Variants in KAZN observed in about 807,000 individuals in gnomAD.
KAZN encodes kazrin, periplakin interacting protein.
Under a neutral mutation model 87.4 loss-of-function variants are expected in KAZN, and 40 were observed. The observed-to-expected ratio is 0.46, with a 90% CI of 0.36 to 0.60. The LOEUF (loss-of-function observed/expected upper bound fraction) is 0.60. Among genes scored for constraint, KAZN ranks in the 20% least tolerant of loss-of-function variants. KAZN has a pLI of 0.00. For missense variants in KAZN, 898 were observed against 1,073.9 expected (o/e 0.84, Z 2.29); for synonymous variants, 466 against 458.3 (o/e 1.02, Z -0.22).
At chr1:14,047,877 G>GA (rs377534581) in intron 1 of KAZN, among the ~76,000 whole-genome samples, 31,873 of 126,996 alleles carry the variant, frequency 0.25, 3,506 homozygotes, top group African/African-American at 0.3. Context: ...AAAGAAAAAA[G>GA]AAAAAAAAAA....
chr1:15,109,013 C>G (rs1641395271), intron 13 of KAZN, among the ~76,000 whole-genome samples: 1 of 152,164 alleles, frequency 6.6e-6, no homozygotes, highest in African/African-American at 2.4e-5. Context: ...GATATTTTGG[C>G]ACACTGGAGG....
chr1:14,269,316 A>G (rs1339767744), intron 2 of KAZN, among the ~76,000 whole-genome samples: 4 of 142,902 alleles, frequency 2.8e-5, no homozygotes, highest in Non-Finnish European at 4.8e-5. Context: ...TTGGGGGTTG[A>G]TAATGATAAA....
At chr1:14,566,318 G>T (rs1241745351) in intron 2 of KAZN, among the ~76,000 whole-genome samples, 2 of 152,134 alleles carry the variant, frequency 1.3e-5, no homozygotes, top group African/African-American at 2.4e-5. Flanking sequence ...TAAGCAGTAG[G>T]TCTCAACAAT....
At chr1:14,173,688 C>G (rs1470484864) in intron 1 of KAZN, among the ~76,000 whole-genome samples, 1 of 137,528 alleles carries the variant, frequency 7.3e-6, no homozygotes, top group African/African-American at 2.8e-5. Flanking sequence ...ACTTGAGGAG[C>G]CTATCTCTTT....
At chr1:13,910,515 A>T (rs1039022234) in intron 1 of KAZN, among the ~76,000 whole-genome samples, 1 of 151,698 alleles carries the variant, frequency 6.6e-6, no homozygotes, top group Non-Finnish European at 1.5e-5. Flanking sequence ...TAAAAAAAAA[A>T]AAGTGTGTGT....
At chr1:15,082,198 C>A (rs1246575026) in intron 8 of KAZN, among the ~76,000 whole-genome samples, 1 of 152,200 alleles carries the variant, frequency 6.6e-6, no homozygotes, top group Non-Finnish European at 1.5e-5. Context: ...CCCTATGGGG[C>A]AGCAACAGGC....
chr1:14,782,150 C>T (rs1206614770), intron 1 of KAZN, among the ~76,000 whole-genome samples: 1 of 152,168 alleles, frequency 6.6e-6, no homozygotes, highest in African/African-American at 2.4e-5. Flanking sequence ...TAGGAACCAG[C>T]AGTTATTTCT....
At chr1:14,485,556 A>T (rs1457968139) in intron 2 of KAZN, among the ~76,000 whole-genome samples, 6 of 152,138 alleles carry the variant, frequency 3.9e-5, no homozygotes, top group Non-Finnish European at 7.4e-5. Flanking sequence ...TCCAAAAGTT[A>T]CTACCCCCAC....
At chr1:14,812,184 C>T (rs1393246423) in intron 1 of KAZN, among the ~76,000 whole-genome samples, 7 of 152,170 alleles carry the variant, frequency 4.6e-5, no homozygotes, top group Admixed American at 6.5e-5. Context: ...TTAGTCTCTT[C>T]TGGCAGGCCA....
intron 2 of KAZN, among the ~76,000 whole-genome samples, chr1:15,019,096 G>A (rs369680980): frequency 6.6e-6 from 1 of 152,144 alleles, no homozygotes; most frequent in East Asian, 1.9e-4. Context: ...TACTGGGTCT[G>A]TGAGAGGACC....
chr1:14,749,388 C>T (rs1380229862), intron 1 of KAZN, among the ~76,000 whole-genome samples: 2 of 152,206 alleles, frequency 1.3e-5, no homozygotes, highest in Non-Finnish European at 2.9e-5. Context: ...GTTATAGCCA[C>T]CGAATGTTTT....
chr1:14,725,864 T>C (rs926028012), intron 1 of KAZN, among the ~76,000 whole-genome samples: 3 of 152,218 alleles, frequency 2.0e-5, no homozygotes, highest in Admixed American at 6.5e-5. Flanking sequence ...GTGATGCTGA[T>C]GTTGCCAGTC....
At chr1:14,947,408 G>C (rs1661950145) in intron 1 of KAZN, among the ~76,000 whole-genome samples, 1 of 152,220 alleles carries the variant, frequency 6.6e-6, no homozygotes, top group East Asian at 1.9e-4. Context: ...CCTGGCCTTG[G>C]GGAGGGGAGG....
At chr1:14,499,559 T>C (rs1421510800) in intron 2 of KAZN, among the ~76,000 whole-genome samples, 1 of 152,222 alleles carries the variant, frequency 6.6e-6, no homozygotes, top group Non-Finnish European at 1.5e-5. Context: ...TTATCGATTG[T>C]TCTGCAGTCT....
chr1:14,404,587 GCATGAAGATGTT>G (rs1557694825), intron 2 of KAZN, among the ~76,000 whole-genome samples: 7 of 152,150 alleles, frequency 4.6e-5, no homozygotes. Flanking sequence ...AAGGAGATAT[GCATGAAGATGTT>G]CACTGCAGCA....
chr1:14,264,382 G>T (rs1024367843), intron 2 of KAZN, among the ~76,000 whole-genome samples: 2 of 152,142 alleles, frequency 1.3e-5, no homozygotes, highest in Non-Finnish European at 2.9e-5. Context: ...ATTTTAATGT[G>T]TCCCCTAAAA....
rs762613728 is a variant in KAZN, at chr1:14,858,209, C to CTTTTTTTTTTTTTTTTTTTTT, written c.227-102471_227-102470insTTTTTTTTTTTTTTTTTTTTT. On this transcript the variant is annotated intron_variant, in intron 1 of 14. Transcript: ENST00000376030. The stretch of plus-strand genomic sequence containing the variant: ...CTTTCTTTTTTTCTTTTTTCTTTTT[C>CTTTTTTTTTTTTTTTTTTTTT]TTTTCTTTTTTTTTTTTTTTTGAGA... Among the ~76,000 whole-genome samples the CTTTTTTTTTTTTTTTTTTTTT allele has an allele frequency of 2.0e-3, 233 of 115,844 alleles. 26 individuals carry two copies. Among genetic ancestry groups the CTTTTTTTTTTTTTTTTTTTTT allele is most frequent in the African/African-American group, 3.1e-3 (82 of 26,400 alleles). The allele number at this position is 115,844 out of a possible 152,430, so 76.0% of individuals were successfully genotyped here.
chr1:15,048,872 G>T (rs143927652), intron 4 of KAZN, among the ~76,000 whole-genome samples: 7 of 145,502 alleles, frequency 4.8e-5, no homozygotes, highest in African/African-American at 7.9e-5. Context: ...CGTTGGTCCT[G>T]GGTCGTTGGT....
At chr1:14,785,771 T>C (rs1159619708) in intron 1 of KAZN, among the ~76,000 whole-genome samples, 1 of 152,210 alleles carries the variant, frequency 6.6e-6, no homozygotes, top group Admixed American at 6.5e-5. Context: ...TGATCATTGT[T>C]GTTATTTCCT....
Sources: gnomAD v4.1 joint callset for allele counts (sites outside exome capture counted in the v4.1 genomes callset) on GRCh38, gnomAD v4.1.1 for gene constraint, MANE v1.5 for transcripts, NCBI Gene and HGNC (gene_info 2026-07-23, HGNC 2026-07-21) for gene names.